RAB3IP: variants seen among roughly 807,000 people sequenced by gnomAD.
The protein encoded by RAB3IP is RAB3A interacting protein.
In RAB3IP, 36 loss-of-function variants were observed where a neutral mutation model predicts 59.1. The observed-to-expected ratio is 0.61, with a 90% CI of 0.47 to 0.80. RAB3IP has a LOEUF of 0.80. Among genes scored for constraint, RAB3IP ranks in the 30% least tolerant of loss-of-function variants. The pLI is 0.00. For missense variants in RAB3IP, 511 were observed against 536.0 expected, an observed-to-expected ratio of 0.95 and a Z score of 0.46; for synonymous variants, 207 against 191.2, an observed-to-expected ratio of 1.08 and a Z score of -0.68.
At chr12:69,770,293 C>A (rs577529103) in intron 3 of RAB3IP, among the ~76,000 whole-genome samples, 21 of 152,250 alleles carry the variant, frequency 1.4e-4, no homozygotes, top group African/African-American at 4.1e-4. Flanking sequence ...AATCCGCCCC[C>A]CCACCCTGCC....
chr12:69,743,423 G>T (rs1887537455), intron 1 of RAB3IP, among the ~76,000 whole-genome samples: 1 of 152,086 alleles, frequency 6.6e-6, no homozygotes, highest in South Asian at 2.1e-4. Context: ...GATACCTTCT[G>T]ATTTGTAAGA....
intron 3 of RAB3IP, among the ~76,000 whole-genome samples, chr12:69,771,156 G>A (rs1873045732): frequency 6.6e-6 from 1 of 152,076 alleles, no homozygotes; most frequent in Admixed American, 6.5e-5. Context: ...TGTCCTCTAG[G>A]CTTACCCATA....
At position 69,756,730 on chromosome 12, in the gene RAB3IP, G is replaced by C. The variant is rs1165235667; in HGVS notation, c.510+67G>C. The C allele has an allele frequency of 2.3e-6, 3 of 1,293,756 alleles. No homozygotes were observed. In the African/African-American group the frequency reaches 4.5e-5, roughly 20 times the overall value. 80.1% of individuals were successfully genotyped at this position (1,293,756 alleles called of 1,614,324 possible). A position where few individuals can be genotyped will look rare whatever the true frequency, so the allele number is the denominator to read the frequency against. ...AAATTAGTATTTCTCCATGGGGTGG[G>C]GCAACCTGCAGAAATGAAATCATGA... On this transcript the variant is annotated intron_variant, in intron 3 of 10. Transcript: ENST00000247833.
chr12:69,752,409 A>G (rs1441712235), intron 1 of RAB3IP, among the ~76,000 whole-genome samples: 3 of 151,982 alleles, frequency 2.0e-5, no homozygotes, highest in Non-Finnish European at 2.9e-5. Flanking sequence ...TCTTACTGGT[A>G]TATCTTCGAT....
intron 3 of RAB3IP, among the ~76,000 whole-genome samples, chr12:69,764,233 T>C (rs1046816694): frequency 2.6e-5 from 4 of 152,192 alleles, no homozygotes; most frequent in Admixed American, 6.5e-5. Context: ...TGGATTCTTA[T>C]GGCTTATTCC....
intron 3 of RAB3IP, among the ~76,000 whole-genome samples, chr12:69,781,163 A>G (rs923382032): frequency 6.6e-6 from 1 of 152,118 alleles, no homozygotes; most frequent in Non-Finnish European, 1.5e-5. Flanking sequence ...CCTTGAGCTT[A>G]TATCATTTTT....
Position 69,758,572 on chromosome 12 carries a change from C to A in RAB3IP, c.510+1909C>A, listed in dbSNP as rs1255330764. 2.0e-5 allele frequency among the ~76,000 whole-genome samples: 3 copies of A among 151,842 alleles called. No individual in the cohort carries two copies. In the South Asian group the frequency reaches 6.2e-4, roughly 32 times the overall value. ...CTTACAAAAGTATACTTTTATTTTT[C>A]CCCTCCTAGTTTTTGTGCAATAATT... On this transcript the variant is annotated intron_variant, in intron 3 of 10. Transcript: ENST00000247833.
intron 1 of RAB3IP, among the ~76,000 whole-genome samples, chr12:69,743,873 T>A (rs1209273731): frequency 1.7e-5 from 2 of 117,166 alleles, no homozygotes; most frequent in Non-Finnish European, 3.3e-5. Flanking sequence ...TCTTGTTTAT[T>A]TATTTAGTCA....
chr12:69,754,705 T>C (rs1372733301), intron 1 of RAB3IP, among the ~76,000 whole-genome samples: 1 of 152,216 alleles, frequency 6.6e-6, no homozygotes, highest in Non-Finnish European at 1.5e-5. Context: ...TATTTCACAA[T>C]GTGTATGTGC....
intron 1 of RAB3IP, chr12:69,739,990 C>A: frequency 2.3e-6 from 2 of 864,830 alleles, no homozygotes; most frequent in Non-Finnish European, 3.8e-6. Context: ...TGTTTCACCC[C>A]AACTCCTTCC....
At chr12:69,765,852 C>T (rs1191155580) in intron 3 of RAB3IP, among the ~76,000 whole-genome samples, 1 of 152,194 alleles carries the variant, frequency 6.6e-6, no homozygotes, top group African/African-American at 2.4e-5. Context: ...AATGAATTCC[C>T]TTAGCAGTTG....
intron 6 of RAB3IP, among the ~76,000 whole-genome samples, chr12:69,797,477 C>CTTTTTTTTTTTTTTT: frequency 2.6e-3 from 145 of 54,834 alleles, no homozygotes; most frequent in East Asian, 8.3e-3. Flanking sequence ...TCTTTTCTTT[C>CTTTTTTTTTTTTTTT]TTTTTTTTTT....
At position 69,759,562 on chromosome 12, in the gene RAB3IP, G is replaced by GGGCAGA. The variant is rs1389843667; in HGVS notation, c.510+2903_510+2908dup. 2.0e-5 allele frequency among the ~76,000 whole-genome samples: 3 copies of GGGCAGA among 152,052 alleles called. No individual in the cohort carries two copies. In the East Asian group the frequency reaches 5.9e-4, roughly 30 times the overall value. On this transcript the variant is annotated intron_variant, in intron 3 of 10. Transcript: ENST00000247833. Reference sequence around the variant, plus strand: ...TCCTCACTTCCCAGAAGGGGCGGCCGGGCAGAGGCGCCTCCGACCTCCCGG... The same window carrying GGGCAGA: ...TCCTCACTTCCCAGAAGGGGCGGCCGGGCAGAGGCAGAGGCGCCTCCGACCTCCCGG...
chr12:69,755,255 A>G, intron 1 of RAB3IP, 129 bp from the exon 2 acceptor site: 1 of 868,696 alleles, frequency 1.2e-6, no homozygotes. Flanking sequence ...GTTTTTTAAA[A>G]AAAGCCTCTT....
rs1465224709 is a variant in RAB3IP, at chr12:69,821,496, C to A, written c.*6050C>A. On this transcript the variant is annotated 3_prime_UTR_variant, in exon 11 of 11. Coordinates refer to ENST00000247833, the MANE Select transcript of RAB3IP (RefSeq NM_022456.5). ...AATAGAGATTTTCTAGTCCTCCCAG[C>A]AACTTCCTTCTCAATTCTCTTCACT... The A allele has an allele frequency of 6.6e-6, 1 of 152,158 alleles. No individual in the cohort carries two copies. The highest frequency in any genetic ancestry group is 2.4e-5 in the African/African-American group (1 of 41,442). The allele number at this position is 152,158 out of a possible 1,614,324, so 9.4% of individuals were successfully genotyped here.
chr12:69,791,396 G>T (rs1876588393), intron 4 of RAB3IP, among the ~76,000 whole-genome samples: 1 of 152,138 alleles, frequency 6.6e-6, no homozygotes, highest in South Asian at 2.1e-4. Flanking sequence ...TGAAGAAGCG[G>T]CATACTGAAT....
At chr12:69,743,325 T>C (rs541199424) in intron 1 of RAB3IP, among the ~76,000 whole-genome samples, 1 of 152,316 alleles carries the variant, frequency 6.6e-6, no homozygotes, top group East Asian at 1.9e-4. Flanking sequence ...TTTGTATCAA[T>C]TCCCTGTGGG....
intron 1 of RAB3IP, among the ~76,000 whole-genome samples, chr12:69,749,840 C>T (rs1184371380): frequency 1.3e-5 from 2 of 152,172 alleles, no homozygotes; most frequent in African/African-American, 4.8e-5. Context: ...TGTCAGTCTC[C>T]TACTCTAATA....
intron 2 of RAB3IP, 123 bp downstream of exon 2, chr12:69,755,782 A>G (rs1007642108): frequency 1.4e-6 from 1 of 735,664 alleles, no homozygotes; most frequent in Non-Finnish European, 2.2e-6. Flanking sequence ...AGGTAAAGAA[A>G]TACATGACCT....
Sources: allele counts gnomAD v4.1 joint callset (sites outside exome capture counted in the v4.1 genomes callset), GRCh38; gene constraint gnomAD v4.1.1; transcripts MANE v1.5; gene names NCBI Gene and HGNC (gene_info 2026-07-23, HGNC 2026-07-21).